The following PCM1 variants were observed in gnomAD, a reference collection of about 807,000 sequenced individuals.
PCM1 encodes pericentriolar material 1.
A neutral mutation model predicts 241.9 loss-of-function variants in PCM1; 157 were observed. The observed-to-expected ratio is 0.65, with a 90% CI of 0.57 to 0.74. PCM1 has a LOEUF of 0.74. PCM1 is among the 30% of genes least tolerant of loss of function. The pLI is 0.00. For missense variants in PCM1, 3,478 were observed against 2,360.1 expected, an observed-to-expected ratio of 1.47 and a Z score of -9.81; for synonymous variants, 1,085 against 784.9, an observed-to-expected ratio of 1.38 and a Z score of -6.39.
intron 23 of PCM1, among the ~76,000 whole-genome samples, chr8:17,975,254 C>G (rs1486566390): frequency 6.6e-6 from 1 of 152,160 alleles, no homozygotes; most frequent in East Asian, 1.9e-4. Flanking sequence ...ACCTCCACCT[C>G]CCGGGTTCAA....
chr8:17,939,912 T>C (rs542575591), intron 6 of PCM1, 51 bp downstream of exon 6: 6 of 1,170,184 alleles, frequency 5.1e-6, no homozygotes, highest in Non-Finnish European at 7.3e-6. Flanking sequence ...TATCTCAGTG[T>C]GTATTTACTG....
chr8:17,967,283 T>G, intron 21 of PCM1, 113 bp downstream of exon 21: 1 of 710,522 alleles, frequency 1.4e-6, no homozygotes, highest in Non-Finnish European at 2.2e-6. Context: ...GTAGGAAATG[T>G]TTGCAAAGAA....
At position 17,966,963 on chromosome 8, in the gene PCM1, G is replaced by C; in HGVS notation, c.3222-17G>C. ...CAATATAACTGATTCTTAGATTACT[G>C]ACTTAAATCTTTGTAGGTTGAAACA... On this transcript the variant is annotated splice_polypyrimidine_tract_variant and intron_variant, in intron 20 of 38. Coordinates refer to ENST00000325083, the MANE Select transcript of PCM1 (RefSeq NM_006197.4). 6.3e-7 allele frequency: 1 copy of C among 1,583,162 alleles called. No homozygotes were observed. Among genetic ancestry groups the C allele is most frequent in the Non-Finnish European group, 8.6e-7 (1 of 1,164,924 alleles).
chr8:18,007,695 G>A (rs778818343), intron 30 of PCM1, among the ~76,000 whole-genome samples: 4 of 152,056 alleles, frequency 2.6e-5, no homozygotes, highest in Admixed American at 2.6e-4. Flanking sequence ...ATATTGCCCA[G>A]AGTATTGAAA....
chr8:17,981,961 T>C (rs765701521), intron 24 of PCM1, among the ~76,000 whole-genome samples: 3 of 151,864 alleles, frequency 2.0e-5, no homozygotes, highest in Non-Finnish European at 4.4e-5. Context: ...GTTTCAACTA[T>C]GTATAAACAA....
rs1394940206 is a variant in PCM1 at position 18,025,578 on chromosome 8, A to G, written c.5969A>G (p.Gln1990Arg). ...AGAAAGAAAATGGTAGAAGAAGAAC[A>G]GAAAAACCATTTATCTGGTGAAATA... The part of the protein sequence containing the change: ...DLRKKMVEEE[Q>R]KNHLSGEICE... The change falls in exon 38 of 39, where the codon CAG becomes CGG. Residue 1990 changes from glutamine (Q) to arginine (R), a missense_variant. By Grantham distance (43) the Gln-to-Arg change is conservative. Coordinates refer to ENST00000325083, the MANE Select transcript of PCM1 (RefSeq NM_006197.4). The G allele has an allele frequency of 1.3e-6, 2 of 1,584,834 alleles. No individual in the cohort carries two copies. Among genetic ancestry groups the G allele is most frequent in the African/African-American group, 1.3e-5 (1 of 74,176 alleles).
In PCM1 at chr8:17,966,024, G is replaced by T; in HGVS notation, c.2881G>T (p.Ala961Ser). 1 of 1,609,366 alleles carries T rather than the reference G, an allele frequency of 6.2e-7. No homozygotes were observed. Among genetic ancestry groups the T allele is most frequent in the Non-Finnish European group, 8.5e-7 (1 of 1,177,872 alleles). The part of the protein sequence containing the change: ...NRWKNNCPFS[A>S]DENYRPLAKT... The stretch of plus-strand genomic sequence containing the variant: ...GTGGAAGAACAATTGCCCTTTTTCG[G>T]CAGATGAAAATTATCGTCCTTTAGC... The change falls in exon 19 of 39, where the codon GCA (alanine) becomes TCA (serine). Residue 961 changes from alanine to serine, a missense_variant. Coordinates refer to ENST00000325083, the MANE Select transcript of PCM1 (RefSeq NM_006197.4).
intron 9 of PCM1, among the ~76,000 whole-genome samples, chr8:17,954,037 C>G (rs535594582): frequency 1.1e-3 from 167 of 152,302 alleles, no homozygotes; most frequent in African/African-American, 3.9e-3. Flanking sequence ...ATATTCCTGT[C>G]CTAAAACATA....
intron 1 of PCM1, 88 bp from the exon 2 acceptor site, chr8:17,924,625 C>G (rs415840): frequency 6.6e-6 from 1 of 151,784 alleles, no homozygotes; most frequent in Non-Finnish European, 1.5e-5. Context: ...TCTAAACATA[C>G]TTTAGACCAA....
In PCM1 at chr8:17,969,613, G is replaced by T. The variant is rs1564037709; in HGVS notation, c.3449G>T (p.Gly1150Val). 6.2e-7 allele frequency: 1 copy of T among 1,609,492 alleles called. No individual in the cohort carries two copies. The highest frequency in any genetic ancestry group is 1.3e-5 in the African/African-American group (1 of 74,628). Residue 1150 changes from glycine to valine, a missense_variant, in exon 22 of 39, where the codon GGA becomes GTA. Coordinates refer to ENST00000325083, the MANE Select transcript of PCM1 (RefSeq NM_006197.4). ...AGCCCTTTATTTCCTTCTAATTTTG[G>T]AGATTTTTCTCAGAATATCTCTACA... is the stretch of plus-strand genomic sequence containing the variant. Reference protein sequence around the residue: ...NFSPLFPSNFGDFSQNISTPS... With the variant: ...NFSPLFPSNFVDFSQNISTPS...
At chr8:17,944,941 G>A (rs2063306460) in intron 6 of PCM1, among the ~76,000 whole-genome samples, 1 of 152,070 alleles carries the variant, frequency 6.6e-6, no homozygotes, top group Non-Finnish European at 1.5e-5. Flanking sequence ...TGACTAATAA[G>A]GATTAAAGAA....
chr8:17,966,370 A>T lies in PCM1; in HGVS notation c.3118A>T (p.Ser1040Cys). ...LLQTLLTGPY[S>C]VMPSNVASPQ... ...ACAAACTCTTCTCACGGGTCCTTAC[A>T]GTGTTATGCCCAGCAATGTTGCATC... Residue 1040 changes from serine to cysteine, a missense_variant, in exon 20 of 39, where the codon AGT becomes TGT. Ser to Cys is a moderately radical substitution (Grantham distance 112). Transcript: ENST00000325083. 1 of 1,613,810 alleles carries T rather than the reference A, an allele frequency of 6.2e-7. No homozygotes were observed. The highest frequency in any genetic ancestry group is 8.5e-7 in the Non-Finnish European group (1 of 1,179,752).
At chr8:17,957,175 G>C (rs1276170101) in intron 11 of PCM1, 89 bp from the exon 12 acceptor site, 1 of 996,584 alleles carries the variant, frequency 1.0e-6, no homozygotes, top group Non-Finnish European at 1.5e-6. Flanking sequence ...TGCTTGGTTT[G>C]GTGTTATTTT....
intron 29 of PCM1, among the ~76,000 whole-genome samples, chr8:18,000,924 A>G (rs2089167285): frequency 6.6e-6 from 1 of 152,172 alleles, no homozygotes; most frequent in African/African-American, 2.4e-5. Flanking sequence ...TTTATTTTGT[A>G]CTTTAAAATT....
At chr8:17,972,791 C>T in intron 23 of PCM1, 104 bp downstream of exon 23, 1 of 519,518 alleles carries the variant, frequency 1.9e-6, no homozygotes, top group Non-Finnish European at 3.2e-6. Context: ...TGTGCAGGTG[C>T]TGTTCTAGAC....
intron 15 of PCM1, among the ~76,000 whole-genome samples, chr8:17,961,790 T>C (rs2072307789): frequency 6.6e-6 from 1 of 152,180 alleles, no homozygotes; most frequent in Non-Finnish European, 1.5e-5. Context: ...ATACAAAATT[T>C]TCCATTATGT....
Position 17,964,807 on chromosome 8 carries a change from G to C in PCM1, c.2855+39G>C, listed in dbSNP as rs372048240. On this transcript the variant is annotated intron_variant, in intron 18 of 38. Transcript: ENST00000325083. Reference sequence around the variant, plus strand: ...TTTTAATTTTGTGCTTAATTTAAGAGGCTCAGGTCTTTTTGACTGACAGCA... The same window carrying C: ...TTTTAATTTTGTGCTTAATTTAAGACGCTCAGGTCTTTTTGACTGACAGCA... The C allele has an allele frequency of 2.0e-4, 306 of 1,499,284 alleles. 1 individual carries two copies. The African/African-American group carries it at 4.1e-3, about 20-fold the overall frequency. 92.9% of individuals were successfully genotyped at this position (1,499,284 alleles called of 1,614,324 possible).
chr8:17,961,830 G>C (rs948685703), intron 15 of PCM1, among the ~76,000 whole-genome samples: 5 of 152,000 alleles, frequency 3.3e-5, no homozygotes, highest in Admixed American at 6.6e-5. Flanking sequence ...TTGTTTCTGA[G>C]GGCTTGTGTT....
Position 18,025,409 on chromosome 8 carries a change from G to C in PCM1, c.5890G>C (p.Val1964Leu). Residue 1964 changes from valine to leucine, a missense_variant, in exon 37 of 39, where the codon GTA (valine) becomes CTA (leucine). Val to Leu is a conservative substitution (Grantham distance 32, BLOSUM62 1). Coordinates refer to ENST00000325083, the MANE Select transcript of PCM1 (RefSeq NM_006197.4). ...TCAAAAGTCTGATGAAGAAGATTTTGTAAAAGTTGAAGATTTACCACTGAA... is the reference window on the plus strand; with the variant it reads ...TCAAAAGTCTGATGAAGAAGATTTTCTAAAAGTTGAAGATTTACCACTGAA... ...ISQKSDEEDF[V>L]KVEDLPLKLT... The C allele has an allele frequency of 6.2e-7, 1 of 1,604,586 alleles. No individual in the cohort carries two copies. Among genetic ancestry groups the C allele is most frequent in the Non-Finnish European group, 8.5e-7 (1 of 1,174,184 alleles).
Sources: allele counts gnomAD v4.1 joint callset (sites outside exome capture counted in the v4.1 genomes callset), GRCh38; gene constraint gnomAD v4.1.1; transcripts MANE v1.5; gene names NCBI Gene and HGNC (gene_info 2026-07-23, HGNC 2026-07-21).